ANO10: variants seen among roughly 807,000 people sequenced by gnomAD.
The protein encoded by ANO10 is anoctamin-10.
Under a neutral mutation model 74.7 loss-of-function variants are expected in ANO10, and 77 were observed. The observed-to-expected ratio is 1.03, with a 90% CI of 0.86 to 1.25. The LOEUF (loss-of-function observed/expected upper bound fraction) is 1.25, where lower values mean the gene tolerates loss of function less well. ANO10 is among the 50% of genes most tolerant of loss of function. The pLI is 0.00. For missense variants in ANO10, 721 were observed against 778.1 expected (o/e 0.93, Z 0.87); for synonymous variants, 279 against 284.9 (o/e 0.98, Z 0.21).
chr3:43,658,545 C>G (rs2083884006), intron 1 of ANO10, among the ~76,000 whole-genome samples: 1 of 152,082 alleles, frequency 6.6e-6, no homozygotes, highest in Non-Finnish European at 1.5e-5. Flanking sequence ...TCTCAGCTCA[C>G]TGCAACCTCT....
At chr3:43,393,442 A>G (rs544998016) in intron 12 of ANO10, among the ~76,000 whole-genome samples, 60 of 152,020 alleles carry the variant, frequency 3.9e-4, no homozygotes, top group Non-Finnish European at 8.2e-4. Flanking sequence ...GTTTACTTAT[A>G]CCCTCTCTGG....
At chr3:43,691,116 C>T in intron 1 of ANO10, 3 of 1,386,830 alleles carry the variant, frequency 2.2e-6, no homozygotes, top group Non-Finnish European at 2.8e-6. Flanking sequence ...GCCCAGCGGG[C>T]AGCACCAAGG....
intron 10 of ANO10, among the ~76,000 whole-genome samples, chr3:43,554,384 G>A (rs1169088377): frequency 6.6e-6 from 1 of 151,590 alleles, no homozygotes; most frequent in African/African-American, 2.4e-5. Context: ...GTAGAGATGG[G>A]GTTTCACCAT....
chr3:43,407,970 C>T (rs955660302), intron 12 of ANO10, among the ~76,000 whole-genome samples: 1 of 152,078 alleles, frequency 6.6e-6, no homozygotes, highest in African/African-American at 2.4e-5. Flanking sequence ...TGAGCAGGAC[C>T]ATAACATTGA....
intron 9 of ANO10, among the ~76,000 whole-genome samples, chr3:43,556,440 TCCACACTCTGTGTTTCC>T (rs954969408): frequency 4.6e-5 from 7 of 152,068 alleles, no homozygotes; most frequent in East Asian, 1.9e-4. Flanking sequence ...AGCAGCGTGC[TCCACACTCTGTGTTTCC>T]CCACACTCTG....
chr3:43,579,916 A>G (rs934608452), intron 5 of ANO10, among the ~76,000 whole-genome samples: 1 of 152,026 alleles, frequency 6.6e-6, no homozygotes, highest in East Asian at 1.9e-4. Context: ...ACACTTTGGG[A>G]GCCCAAGGCA....
intron 8 of ANO10, among the ~76,000 whole-genome samples, chr3:43,565,325 C>T (rs1386517404): frequency 2.6e-5 from 4 of 152,158 alleles, no homozygotes; most frequent in Non-Finnish European, 5.9e-5. Context: ...TTACACCAAT[C>T]ATCCCCATCC....
intron 11 of ANO10, among the ~76,000 whole-genome samples, chr3:43,470,353 G>C (rs2075800546): frequency 6.6e-6 from 1 of 152,080 alleles, no homozygotes; most frequent in Non-Finnish European, 1.5e-5. Flanking sequence ...TAATTCTTTT[G>C]TTTTTGTTTT....
chr3:43,636,679 C>T (rs2083614177), intron 1 of ANO10: 1 of 152,118 alleles, frequency 6.6e-6, no homozygotes, highest in Non-Finnish European at 1.5e-5. Context: ...TCTCACAAAT[C>T]CTTTATCTTG....
chr3:43,626,480 T>C (rs2083493280), upstream of ANO10, among the ~76,000 whole-genome samples: 1 of 151,770 alleles, frequency 6.6e-6, no homozygotes, highest in South Asian at 2.1e-4. Context: ...TGTATTTTTT[T>C]AGTAGAGACT....
chr3:43,433,048 C>T (rs1288468563), intron 11 of ANO10, among the ~76,000 whole-genome samples: 1 of 142,624 alleles, frequency 7.0e-6, no homozygotes, highest in African/African-American at 2.6e-5. Context: ...TAACCTCTGC[C>T]TCCCAGTTTC....
chr3:43,399,946 G>A (rs763406502), intron 12 of ANO10, among the ~76,000 whole-genome samples: 1 of 152,062 alleles, frequency 6.6e-6, no homozygotes, highest in Non-Finnish European at 1.5e-5. Flanking sequence ...CTGCCCAGGT[G>A]CTGGCCTGCT....
At chr3:43,687,927 G>A (rs896471532) in intron 1 of ANO10, among the ~76,000 whole-genome samples, 2 of 152,124 alleles carry the variant, frequency 1.3e-5, no homozygotes, top group East Asian at 3.9e-4. Context: ...CGGTGGTCAG[G>A]ATAGAGTTGT....
chr3:43,557,815 T>C (rs2079832429), intron 9 of ANO10, among the ~76,000 whole-genome samples: 1 of 150,938 alleles, frequency 6.6e-6, no homozygotes, highest in African/African-American at 2.4e-5. Flanking sequence ...ATATTATTAA[T>C]TAAAACTGAG....
At chr3:43,603,114 C>T (rs2082409349) in intron 2 of ANO10, among the ~76,000 whole-genome samples, 1 of 152,150 alleles carries the variant, frequency 6.6e-6, no homozygotes, top group South Asian at 2.1e-4. Flanking sequence ...TCATACTTTC[C>T]ATTTTCCCAA....
At chr3:43,652,668 AAT>A (rs1257598509) in intron 1 of ANO10, among the ~76,000 whole-genome samples, 4 of 152,196 alleles carry the variant, frequency 2.6e-5, no homozygotes, top group Non-Finnish European at 4.4e-5. Flanking sequence ...AGCTCAATAA[AAT>A]TTAAAAGGAC....
chr3:43,613,388 A>G (rs2082927432), intron 1 of ANO10, among the ~76,000 whole-genome samples: 1 of 152,230 alleles, frequency 6.6e-6, no homozygotes, highest in Non-Finnish European at 1.5e-5. Flanking sequence ...CAAAAGGAAC[A>G]ATGTGTAAAA....
chr3:43,652,282 T>G (rs1278820303), intron 1 of ANO10, among the ~76,000 whole-genome samples: 1 of 152,186 alleles, frequency 6.6e-6, no homozygotes, highest in Non-Finnish European at 1.5e-5. Flanking sequence ...AGTGTGGCAC[T>G]TGCTGGCATA....
At chr3:43,673,255 T>C (rs2084081439) in intron 1 of ANO10, among the ~76,000 whole-genome samples, 1 of 152,212 alleles carries the variant, frequency 6.6e-6, no homozygotes, top group Non-Finnish European at 1.5e-5. Flanking sequence ...TCAGAAAATG[T>C]AATAGAGCCA....
Sources: allele counts gnomAD v4.1 joint callset (sites outside exome capture counted in the v4.1 genomes callset), GRCh38; gene constraint gnomAD v4.1.1; transcripts MANE v1.5; gene names NCBI Gene and HGNC (gene_info 2026-07-23, HGNC 2026-07-21).